The following IFFO1 variants were observed in gnomAD, a reference collection of about 807,000 sequenced individuals.
IFFO1 encodes the protein non-homologous end joining factor IFFO1.
In IFFO1, 42 loss-of-function variants were observed where a neutral mutation model predicts 59.6. The observed-to-expected ratio is 0.70, with a 90% CI of 0.55 to 0.91. The LOEUF (loss-of-function observed/expected upper bound fraction) is 0.91. IFFO1 is among the 40% of genes least tolerant of loss of function. IFFO1 has a pLI of 0.00. For missense variants in IFFO1, 711 were observed against 793.2 expected (o/e 0.90, Z 1.24); for synonymous variants, 336 against 342.8 (o/e 0.98, Z 0.22).
In IFFO1 at chr12:6,549,546, A is replaced by G. The variant is rs770513614; in HGVS notation, c.1072-62T>C. 6.9e-7 allele frequency: 1 copy of G among 1,448,792 alleles called. No homozygotes were observed. Among genetic ancestry groups the G allele is most frequent in the Non-Finnish European group, 9.7e-7 (1 of 1,030,664 alleles). The allele number at this position is 1,448,792 out of a possible 1,614,324, so 89.7% of individuals were successfully genotyped here. A position where few individuals can be genotyped will look rare whatever the true frequency, so the allele number is the denominator to read the frequency against. On this transcript the variant is annotated intron_variant, in intron 4 of 9. Coordinates refer to ENST00000619571, the MANE Select transcript of IFFO1 (RefSeq NM_001193457.2). The surrounding 1 kb of genome is among the most constrained non-coding windows in gnomAD (Gnocchi z 5.0). ...AGGAGAGGAAGCAGACAGAGGAGAG[A>G]GAGGGGGAAGGGAGAGACGGCGTTA...
Position 6,540,662 on chromosome 12 carries a change from T to C in IFFO1, c.1611-74A>G, listed in dbSNP as rs1254356133. 20 of 1,260,212 alleles carry C rather than the reference T, an allele frequency of 1.6e-5. No individual in the cohort carries two copies. In the Middle Eastern group the frequency reaches 5.6e-4, roughly 36 times the overall value. 78.1% of individuals were successfully genotyped at this position (1,260,212 alleles called of 1,614,324 possible). A position where few individuals can be genotyped will look rare whatever the true frequency, so the allele number is the denominator to read the frequency against. On this transcript the variant is annotated intron_variant, in intron 9 of 9. Transcript: ENST00000619571. ...AGACGGACGGCACTCCTCCTCCTGC[T>C]GCCTCACCCTCTGGCAGCCCGTGAG...
intron 2 of IFFO1, 22 bp from the exon 3 acceptor site, chr12:6,550,812 ATGT>A (rs1433436177): frequency 6.2e-7 from 1 of 1,611,286 alleles, no homozygotes; most frequent in African/African-American, 1.3e-5. Flanking sequence ...AGAAACCCTG[ATGT>A]TGGTGGCACT....
Position 6,549,853 on chromosome 12 carries a change from T to C in IFFO1, c.974A>G (p.Lys325Arg), listed in dbSNP as rs1470653088. ...GCGGCGGCAGATGTCCATATCCACC[T>C]TCATGGCTTTCTCCTGGATCTTGGT... ...LDTKIQEKAMKVDMDICRRID... is the reference protein window; with the variant it reads ...LDTKIQEKAMRVDMDICRRID... Residue 325 changes from lysine to arginine, a missense_variant, in exon 4 of 10, where the codon AAG (lysine) becomes AGG (arginine). This residue lies in a region of IFFO1 where 579 missense variants were observed against 650.3 expected (regional missense o/e 0.89). Coordinates refer to ENST00000619571, the MANE Select transcript of IFFO1 (RefSeq NM_001193457.2). The surrounding 1 kb of genome is among the most constrained non-coding windows in gnomAD (Gnocchi z 5.0). The C allele has an allele frequency of 1.2e-6, 2 of 1,614,204 alleles. No individual in the cohort carries two copies. The highest frequency in any genetic ancestry group is 1.3e-5 in the African/African-American group (1 of 75,074).
chr12:6,550,359 G>C (rs1214711951), intron 3 of IFFO1: 3 of 439,834 alleles, frequency 6.8e-6, no homozygotes, highest in Non-Finnish European at 8.3e-6. Context: ...CAGAGCGCAC[G>C]CGTTTATTTC....
downstream of IFFO1, chr12:6,539,221 G>T (rs1946582240): frequency 6.6e-6 from 1 of 152,398 alleles, no homozygotes; most frequent in Admixed American, 6.5e-5. Context: ...GGAGGCCAAG[G>T]TGGGTGTATC....
rs34135055 is a variant in IFFO1, at chr12:6,541,021, C to CAAAA, written c.1611-437_1611-434dup. Among the ~76,000 whole-genome samples the CAAAA allele has an allele frequency of 5.3e-5, 7 of 133,094 alleles. No individual in the cohort carries two copies. Among genetic ancestry groups the CAAAA allele is most frequent in the African/African-American group, 1.4e-4 (5 of 35,954 alleles). The allele number at this position is 133,094 out of a possible 152,430, so 87.3% of individuals were successfully genotyped here. On this transcript the variant is annotated intron_variant, in intron 9 of 9. Coordinates refer to ENST00000619571, the MANE Select transcript of IFFO1 (RefSeq NM_001193457.2). This position sits in a 1 kb window ranked among gnomAD's most constrained non-coding sequence, Gnocchi z 4.8. Reference sequence around the variant, plus strand: ...CTGGGAGGCGGAGGTTGTAGTGAGCCAAAAAAAAAAAAAAAAGAAATAGCT... The same window carrying CAAAA: ...CTGGGAGGCGGAGGTTGTAGTGAGCCAAAAAAAAAAAAAAAAAAAAGAAATAGCT...
chr12:6,555,226 G>C lies in IFFO1; in HGVS notation c.773+31C>G. On this transcript the variant is annotated intron_variant, in intron 1 of 9. Transcript: ENST00000619571. This position sits in a 1 kb window ranked among gnomAD's most constrained non-coding sequence, Gnocchi z 8.6. ...GGCCCGTTGTGAGTGGTATGACACA[G>C]AGAGACCTGTCCCCCTTTCCCAATC... The C allele has an allele frequency of 1.2e-6, 2 of 1,608,250 alleles. No individual in the cohort carries two copies. The highest frequency in any genetic ancestry group is 1.3e-5 in the African/African-American group (1 of 74,910).
rs761883720 is a variant in IFFO1, at chr12:6,548,067, C to G, written c.1477G>C (p.Glu493Gln). ...KEYQETIDQI[E>Q]LELATAKNDM... is the part of the protein sequence containing the mutation. ...CTGGCTTCCGCTCCTGCCCTTACCT[C>G]TATCTGGTCAATGGTCTCCTGATAC... The change falls in exon 8 of 10, where the codon GAG becomes CAG. Residue 493 changes from glutamate to glutamine, a missense_variant and splice_region_variant. By Grantham distance (29) the Glu-to-Gln change is conservative. Around this residue, in one of 3 missense-constraint regions of IFFO1, gnomAD observed 579 missense variants for 650.3 expected, o/e 0.89. Transcript: ENST00000619571. This position sits in a 1 kb window ranked among gnomAD's most constrained non-coding sequence, Gnocchi z 6.1. The G allele has an allele frequency of 6.2e-7, 1 of 1,612,624 alleles. No homozygotes were observed. The highest frequency in any genetic ancestry group is 2.2e-5 in the East Asian group (1 of 44,862).
In IFFO1 at chr12:6,549,544, A is replaced by G. The variant is rs1402575856; in HGVS notation, c.1072-60T>C. 4.1e-6 allele frequency: 6 copies of G among 1,458,888 alleles called. No individual in the cohort carries two copies. Among genetic ancestry groups the G allele is most frequent in the Non-Finnish European group, 4.8e-6 (5 of 1,039,890 alleles). 90.4% of individuals were successfully genotyped at this position (1,458,888 alleles called of 1,614,324 possible). A position where few individuals can be genotyped will look rare whatever the true frequency, so the allele number is the denominator to read the frequency against. On this transcript the variant is annotated intron_variant, in intron 4 of 9. Coordinates refer to ENST00000619571, the MANE Select transcript of IFFO1 (RefSeq NM_001193457.2). The surrounding 1 kb of genome is among the most constrained non-coding windows in gnomAD (Gnocchi z 5.0). ...AGAGGAGAGGAAGCAGACAGAGGAGAGAGAGGGGGAAGGGAGAGACGGCGT... is the reference window on the plus strand; with the variant it reads ...AGAGGAGAGGAAGCAGACAGAGGAGGGAGAGGGGGAAGGGAGAGACGGCGT...
rs767702723 is a variant in IFFO1 at position 6,541,668 on chromosome 12, G to A, written c.1480-26C>T. The stretch of plus-strand genomic sequence containing the variant: ...CTGTGGTGGGGCAGGCAGGGCCATC[G>A]GGGTTAACAGGTGGCGTTCACAGCG... On this transcript the variant is annotated intron_variant, in intron 8 of 9. Transcript: ENST00000619571. The surrounding 1 kb of genome is among the most constrained non-coding windows in gnomAD (Gnocchi z 4.8). 1.7e-5 allele frequency: 28 copies of A among 1,613,138 alleles called. No individual in the cohort carries two copies. The highest frequency in any genetic ancestry group is 3.3e-5 in the South Asian group (3 of 91,054).
At chr12:6,550,106 A>G (rs1223022242) in intron 3 of IFFO1, 10 of 521,042 alleles carry the variant, frequency 1.9e-5, no homozygotes, top group Non-Finnish European at 3.4e-5. Flanking sequence ...GGCTCGGGCC[A>G]CTGCTCCCTG....
chr12:6,542,219 C>T (rs1946750399), intron 8 of IFFO1, among the ~76,000 whole-genome samples: 1 of 152,250 alleles, frequency 6.6e-6, no homozygotes. Context: ...AAGCCATTTT[C>T]AGACACTAAA....
Position 6,548,435 on chromosome 12 carries a change from G to A in IFFO1, c.1373C>T (p.Ala458Val). ...FSGYAMAAAE[A>V]QGEQQEDSLE... ...GGGAGCAGAGGTTACCTCTCCCTGG[G>A]CCTCTGCAGCTGCCATGGCATAGCC... Residue 458 changes from alanine to valine, a missense_variant, in exon 7 of 10, where the codon GCC becomes GTC. Coordinates refer to ENST00000619571, the MANE Select transcript of IFFO1 (RefSeq NM_001193457.2). This position sits in a 1 kb window ranked among gnomAD's most constrained non-coding sequence, Gnocchi z 6.1. 1.2e-6 allele frequency: 2 copies of A among 1,612,150 alleles called. No individual in the cohort carries two copies. The highest frequency in any genetic ancestry group is 1.7e-6 in the Non-Finnish European group (2 of 1,178,934).
rs756478849 is a variant in IFFO1, at chr12:6,549,843, C to T, written c.984G>A (p.Met328Ile). ...KIQEKAMKVD[M>I]DICRRIDITA... ...TGATGTCGATGCGGCGGCAGATGTCCATATCCACCTTCATGGCTTTCTCCT... is the reference window on the plus strand; with the variant it reads ...TGATGTCGATGCGGCGGCAGATGTCTATATCCACCTTCATGGCTTTCTCCT... Residue 328 changes from methionine to isoleucine, a missense_variant, in exon 4 of 10, where the codon ATG becomes ATA. Physicochemically the swap from Met to Ile is conservative, Grantham distance 10. Transcript: ENST00000619571. The surrounding 1 kb of genome is among the most constrained non-coding windows in gnomAD (Gnocchi z 5.0). 19 of 1,614,068 alleles carry T rather than the reference C, an allele frequency of 1.2e-5. No individual in the cohort carries two copies. In the East Asian group the frequency reaches 4.2e-4, roughly 36 times the overall value.
At chr12:6,547,095 G>C (rs1393401758) in intron 8 of IFFO1, among the ~76,000 whole-genome samples, 1 of 151,860 alleles carries the variant, frequency 6.6e-6, no homozygotes, top group African/African-American at 2.4e-5. Context: ...TATAGGTGAG[G>C]TATTATTAAA....
At chr12:6,550,140 A>G (rs1225925775) in intron 3 of IFFO1, 4 of 466,818 alleles carry the variant, frequency 8.6e-6, no homozygotes, top group African/African-American at 7.7e-5. Flanking sequence ...CCTGGAGGGC[A>G]TGGCCAGTGC....
At chr12:6,544,985 C>G (rs568478751) in intron 8 of IFFO1, 1 of 151,088 alleles carries the variant, frequency 6.6e-6, no homozygotes, top group Non-Finnish European at 1.5e-5. Flanking sequence ...AAGGCCGAGG[C>G]GGGTGGATCA....
rs1028368164 is a variant in IFFO1, at chr12:6,550,706, G to T, written c.919C>A (p.Leu307Ile). 2 of 1,613,720 alleles carry T rather than the reference G, an allele frequency of 1.2e-6. No homozygotes were observed. Among genetic ancestry groups the T allele is most frequent in the Non-Finnish European group, 1.7e-6 (2 of 1,179,742 alleles). ...LKAELVVFKG[L>I]MSNNLSELDT... is the part of the protein sequence containing the mutation. ...GGGGCTGCACTCACGTTACTCATGA[G>T]CCCCTTGAAGACCACCAGCTCAGCC... Residue 307 changes from leucine to isoleucine, a missense_variant, in exon 3 of 10, where the codon CTC (leucine) becomes ATC (isoleucine). Around this residue, in one of 3 missense-constraint regions of IFFO1, gnomAD observed 579 missense variants for 650.3 expected, o/e 0.89. Coordinates refer to ENST00000619571, the MANE Select transcript of IFFO1 (RefSeq NM_001193457.2).
rs777920330 is a variant in IFFO1, at chr12:6,555,646, G to C, written c.384C>G (p.Thr128=). The change falls in exon 1 of 10, where the codon ACC becomes ACG. Residue 128 remains threonine, a synonymous_variant. Transcript: ENST00000619571. This position sits in a 1 kb window ranked among gnomAD's most constrained non-coding sequence, Gnocchi z 8.6. ...GGGGCCGGATGGGGCTGACGAAGCC[G>C]GTCTGCACTGCCTGGTCGCGACGAC... The part of the protein sequence containing the change: ...GLGRRDQAVQ[T]GFVSPIRPLG... The C allele has an allele frequency of 6.3e-7, 1 of 1,584,910 alleles. No homozygotes were observed. The highest frequency in any genetic ancestry group is 8.6e-7 in the Non-Finnish European group (1 of 1,168,476).
Sources: allele counts gnomAD v4.1 joint callset (sites outside exome capture counted in the v4.1 genomes callset), GRCh38; gene constraint gnomAD v4.1.1; regional missense constraint gnomAD v4.1.1; non-coding constraint Gnocchi (gnomAD v3.1); transcripts MANE v1.5; gene names NCBI Gene and HGNC (gene_info 2026-07-23, HGNC 2026-07-21).